The following SIM1 variants were observed in gnomAD, a reference collection of about 807,000 sequenced individuals.
SIM1 encodes the protein SIM bHLH transcription factor 1.
SIM1 carries 18 observed loss-of-function variants against 78.2 expected under a neutral mutation model. The observed-to-expected ratio is 0.23, with a 90% confidence interval of 0.16 to 0.34. The LOEUF is 0.34. Among genes scored for constraint, SIM1 ranks in the 10% least tolerant of loss-of-function variants. SIM1 has a pLI of 1.00. For synonymous variants in SIM1, 417 were observed against 385.2 expected (o/e 1.08, Z -0.97); for missense variants, 939 against 975.1 (o/e 0.96, Z 0.49).
chr6:100,448,464 G>A lies in SIM1; in HGVS notation c.743+15C>T, dbSNP rs767411359. On this transcript the variant is annotated intron_variant, in intron 7 of 11. Coordinates refer to ENST00000369208, the MANE Select transcript of SIM1 (RefSeq NM_005068.3). ...CTCAGGCTAGGAGAGGCCCTTTCCG[G>A]CCCTGCCCACCCACCTGGAGTCCAG... The A allele has an allele frequency of 1.2e-6, 2 of 1,612,260 alleles. No individual in the cohort carries two copies. The highest frequency in any genetic ancestry group is 1.3e-5 in the African/African-American group (1 of 74,910).
intron 9 of SIM1, among the ~76,000 whole-genome samples, chr6:100,430,538 C>A (rs938041078): frequency 2.6e-5 from 4 of 151,958 alleles, no homozygotes; most frequent in African/African-American, 9.7e-5. Flanking sequence ...TATATTAATT[C>A]TTTTATTTTC....
At chr6:100,399,267 T>A (rs1033992313) in intron 10 of SIM1, among the ~76,000 whole-genome samples, 2 of 151,938 alleles carry the variant, frequency 1.3e-5, no homozygotes, top group Non-Finnish European at 2.9e-5. Context: ...TACTCAACAA[T>A]AAAAAAGAAT....
intron 9 of SIM1, among the ~76,000 whole-genome samples, chr6:100,426,875 G>C (rs1227483377): frequency 6.6e-6 from 1 of 152,166 alleles, no homozygotes; most frequent in Non-Finnish European, 1.5e-5. Flanking sequence ...CTTAAAAGAG[G>C]TTGCCAGATT....
intron 10 of SIM1, among the ~76,000 whole-genome samples, chr6:100,401,642 C>T (rs576762981): frequency 6.6e-6 from 1 of 151,972 alleles, no homozygotes; most frequent in Admixed American, 6.6e-5. Flanking sequence ...GTGGCAAATG[C>T]TAAGCACTGG....
At chr6:100,393,363 C>T (rs1449461252) in intron 11 of SIM1, 124 bp downstream of exon 11, 2 of 859,584 alleles carry the variant, frequency 2.3e-6, no homozygotes, top group Non-Finnish European at 3.2e-6. Flanking sequence ...GTTTTTAATC[C>T]CATTGGTTCT....
rs370181424 is a variant in SIM1, at chr6:100,441,122, CAAT to C, written c.998+6143_998+6145del. On this transcript the variant is annotated intron_variant, in intron 9 of 11. Transcript: ENST00000369208. ...GAGGAAAGTAGACAGGCTGGTCATTCAATACACACCAAGTGGCCTCTACCCAGG... is the reference window on the plus strand; with the variant it reads ...GAGGAAAGTAGACAGGCTGGTCATTCACACACCAAGTGGCCTCTACCCAGG... 8.0e-4 allele frequency among the ~76,000 whole-genome samples: 122 copies of C among 152,248 alleles called. 1 individual carries two copies. Among genetic ancestry groups the C allele is most frequent in the South Asian group, 4.6e-3 (22 of 4,826 alleles).
At chr6:100,443,045 A>G (rs1772255338) in intron 9 of SIM1, among the ~76,000 whole-genome samples, 1 of 152,072 alleles carries the variant, frequency 6.6e-6, no homozygotes. Context: ...GATCTGCAGT[A>G]ATTACAATAT....
At position 100,390,759 on chromosome 6, in the gene SIM1, G is replaced by T; in HGVS notation, c.1903C>A (p.Gln635Lys). The T allele has an allele frequency of 4.3e-6, 7 of 1,614,112 alleles. No homozygotes were observed. The highest frequency in any genetic ancestry group is 5.9e-6 in the Non-Finnish European group (7 of 1,180,016). Residue 635 changes from glutamine (Q) to lysine (K), a missense_variant, in exon 12 of 12, where the codon CAG (glutamine) becomes AAG (lysine). By Grantham distance (53) the Gln-to-Lys change is moderately conservative (BLOSUM62 1). Transcript: ENST00000369208. ...GGGCTCAACATTTTTCCCTCTCTCT[G>T]CTGGATATGGTCACATGGTGAAGTG... ...ANTSPCDHIQ[Q>K]REGKMLSPHE...
chr6:100,446,056 A>G (rs1345564642), intron 9 of SIM1, among the ~76,000 whole-genome samples: 3 of 152,218 alleles, frequency 2.0e-5, no homozygotes, highest in Non-Finnish European at 4.4e-5. Context: ...AAATTAAAAG[A>G]TTATTCCTAA....
intron 9 of SIM1, among the ~76,000 whole-genome samples, chr6:100,426,608 C>A (rs1280372974): frequency 6.6e-6 from 1 of 152,148 alleles, no homozygotes; most frequent in Non-Finnish European, 1.5e-5. Context: ...CTCCATAATA[C>A]CAATAGCCAA....
intron 3 of SIM1, among the ~76,000 whole-genome samples, chr6:100,450,813 GC>G (rs1772497400): frequency 6.6e-6 from 1 of 151,918 alleles, no homozygotes; most frequent in African/African-American, 2.4e-5. Context: ...AGTGCAGTAG[GC>G]ATTGGTCAGT....
intron 9 of SIM1, among the ~76,000 whole-genome samples, chr6:100,429,133 C>T (rs1771822562): frequency 1.3e-5 from 2 of 152,114 alleles, no homozygotes; most frequent in East Asian, 1.9e-4. Flanking sequence ...CTTTGGGAGG[C>T]CAAGGCAGGT....
chr6:100,446,317 A>G (rs939662076), intron 9 of SIM1, among the ~76,000 whole-genome samples: 1 of 152,186 alleles, frequency 6.6e-6, no homozygotes, highest in Non-Finnish European at 1.5e-5. Flanking sequence ...TCTAAATAGC[A>G]TTCTACTAAG....
intron 10 of SIM1, among the ~76,000 whole-genome samples, chr6:100,396,674 A>G (rs1314409891): frequency 6.6e-6 from 1 of 152,212 alleles, no homozygotes; most frequent in Non-Finnish European, 1.5e-5. Context: ...TTCAAGACCT[A>G]TAAATTTGCA....
chr6:100,395,474 C>A (rs1037277926), intron 10 of SIM1, among the ~76,000 whole-genome samples: 2 of 151,674 alleles, frequency 1.3e-5, no homozygotes, highest in South Asian at 2.1e-4. Context: ...ACAGTGCTAA[C>A]GAAAAAAGGA....
intron 10 of SIM1, among the ~76,000 whole-genome samples, chr6:100,407,963 A>G (rs1332152896): frequency 1.3e-5 from 2 of 152,026 alleles, no homozygotes; most frequent in Non-Finnish European, 1.5e-5. Flanking sequence ...TTATTTTGCT[A>G]TGCAGAAGCT....
At chr6:100,423,427 G>A (rs998059337) in intron 9 of SIM1, among the ~76,000 whole-genome samples, 8 of 152,234 alleles carry the variant, frequency 5.3e-5, no homozygotes, top group Middle Eastern at 3.4e-3. Context: ...TGAGCACAAG[G>A]ACTAAGTTCC....
chr6:100,456,802 GC>G (rs886088693), intron 2 of SIM1, among the ~76,000 whole-genome samples: 9 of 152,126 alleles, frequency 5.9e-5, no homozygotes, highest in African/African-American at 2.2e-4. Context: ...TTTCACTGTG[GC>G]TTTACCCTCC....
At chr6:100,427,324 C>T (rs1439705143) in intron 9 of SIM1, 1 of 152,170 alleles carries the variant, frequency 6.6e-6, no homozygotes, top group Non-Finnish European at 1.5e-5. Flanking sequence ...TTTATGTTTG[C>T]TCCTTGTAGT....
Sources: gnomAD v4.1 joint callset for allele counts (sites outside exome capture counted in the v4.1 genomes callset) on GRCh38, gnomAD v4.1.1 for gene constraint, MANE v1.5 for transcripts, NCBI Gene and HGNC (gene_info 2026-07-23, HGNC 2026-07-21) for gene names.